The following VEZF1 variants were observed in gnomAD, a reference collection of about 807,000 sequenced individuals.
VEZF1 encodes the protein putative transcription factor DB1.
A neutral mutation model predicts 44.1 loss-of-function variants in VEZF1; 5 were observed. The observed-to-expected ratio is 0.11, with a 90% CI of 0.06 to 0.24. The LOEUF is 0.24. Among genes scored for constraint, VEZF1 ranks in the 10% least tolerant of loss-of-function variants. VEZF1 has a pLI of 1.00. For synonymous variants in VEZF1, 236 were observed against 233.1 expected (o/e 1.01, Z -0.11); for missense variants, 358 against 641.8 (o/e 0.56, Z 4.78).
At chr17:57,978,582 C>T (rs2075215066) in intron 5 of VEZF1, among the ~76,000 whole-genome samples, 1 of 152,024 alleles carries the variant, frequency 6.6e-6, no homozygotes, top group Non-Finnish European at 1.5e-5. Context: ...ACAGTAAAGT[C>T]CTCAGCAGCA....
intron 5 of VEZF1, among the ~76,000 whole-genome samples, chr17:57,975,429 T>A: frequency 6.6e-6 from 1 of 152,390 alleles, no homozygotes; most frequent in East Asian, 1.9e-4. Context: ...TCAATAAGTA[T>A]GTTAAAGCCT....
At chr17:57,979,121 C>A (rs747608208) in intron 5 of VEZF1, 31 bp downstream of exon 5, 2 of 1,604,960 alleles carry the variant, frequency 1.2e-6, no homozygotes, top group South Asian at 1.1e-5. Flanking sequence ...CTTCTCTAGC[C>A]ATATTTTCAA....
In VEZF1 at chr17:57,982,867, TACACATCTCGGAAGGCCTTCCC is replaced by T. The variant is rs2075262643; in HGVS notation, c.538_559del (p.Gly180ThrfsTer31). On this transcript the variant is annotated frameshift_variant, in exon 2 of 6. Transcript: ENST00000581208. LOFTEE classifies it high-confidence loss of function. ...GGAGAGCTTGTGTCGATTGAGATGGTACACATCTCGGAAGGCCTTCCCACACATCTCACAAGCATGGTTCTTC... is the reference window on the plus strand; with the variant it reads ...GGAGAGCTTGTGTCGATTGAGATGGTACACATCTCACAAGCATGGTTCTTC... The T allele has an allele frequency of 6.2e-7, 1 of 1,614,050 alleles. No homozygotes were observed. The highest frequency in any genetic ancestry group is 1.3e-5 in the African/African-American group (1 of 74,932).
At position 57,974,300 on chromosome 17, in the gene VEZF1, C is replaced by T. The variant is rs547716970; in HGVS notation, c.*173G>A. The T allele has an allele frequency of 6.7e-6, 5 of 742,988 alleles. No individual in the cohort carries two copies. In the Admixed American group the frequency reaches 1.5e-4, roughly 22 times the overall value. The allele number at this position is 742,988 out of a possible 1,614,324, so 46.0% of individuals were successfully genotyped here. On this transcript the variant is annotated 3_prime_UTR_variant, in exon 6 of 6. Coordinates refer to ENST00000581208, the MANE Select transcript of VEZF1 (RefSeq NM_007146.3). The stretch of plus-strand genomic sequence containing the variant: ...AAGTGGTCCAGTGATAAGTTACATA[C>T]ACACCCTACTTTGAATAATCCCAGC...
intron 1 of VEZF1, chr17:57,985,441 G>C: frequency 1.6e-6 from 2 of 1,222,174 alleles, no homozygotes; most frequent in Admixed American, 4.3e-5. Flanking sequence ...TTCTAAGGGG[G>C]AACTGGGTTT....
At position 57,973,143 on chromosome 17, in the gene VEZF1, C is replaced by T. The variant is rs1252182929; in HGVS notation, c.*1330G>A. ...CGTGGCATGATGGTGTAAAGAGTATCTGTTTCCCTAGCTTTTGGTTTCTAC... is the reference window on the plus strand; with the variant it reads ...CGTGGCATGATGGTGTAAAGAGTATTTGTTTCCCTAGCTTTTGGTTTCTAC... On this transcript the variant is annotated 3_prime_UTR_variant, in exon 6 of 6. Coordinates refer to ENST00000581208, the MANE Select transcript of VEZF1 (RefSeq NM_007146.3). The T allele has an allele frequency of 6.6e-6, 1 of 152,094 alleles. No homozygotes were observed. The highest frequency in any genetic ancestry group is 1.5e-5 in the Non-Finnish European group (1 of 68,036). The allele number at this position is 152,094 out of a possible 1,614,324, so 9.4% of individuals were successfully genotyped here.
In VEZF1 at chr17:57,974,316, T is replaced by A; in HGVS notation, c.*157A>T. 1 of 880,110 alleles carries A rather than the reference T, an allele frequency of 1.1e-6. No individual in the cohort carries two copies. Among genetic ancestry groups the A allele is most frequent in the East Asian group, 2.7e-5 (1 of 37,552 alleles). 54.5% of individuals were successfully genotyped at this position (880,110 alleles called of 1,614,324 possible). A position where few individuals can be genotyped will look rare whatever the true frequency, so the allele number is the denominator to read the frequency against. On this transcript the variant is annotated 3_prime_UTR_variant, in exon 6 of 6. Coordinates refer to ENST00000581208, the MANE Select transcript of VEZF1 (RefSeq NM_007146.3). ...AGTTACATACACACCCTACTTTGAATAATCCCAGCCAAATTGGAGAAAAAT... is the reference window on the plus strand; with the variant it reads ...AGTTACATACACACCCTACTTTGAAAAATCCCAGCCAAATTGGAGAAAAAT...
intron 5 of VEZF1, 65 bp from the exon 6 acceptor site, chr17:57,974,965 G>A: frequency 6.7e-7 from 1 of 1,501,966 alleles, no homozygotes; most frequent in Non-Finnish European, 9.0e-7. Flanking sequence ...CAAAGTTTCT[G>A]AATCAATTTC....
In VEZF1 at chr17:57,984,902, G is replaced by A. The variant is rs555137897; in HGVS notation, c.34-1509C>T. 4.6e-5 allele frequency among the ~76,000 whole-genome samples: 7 copies of A among 152,230 alleles called. 1 individual carries two copies. The South Asian group carries it at 1.5e-3, about 32-fold the overall frequency. The stretch of plus-strand genomic sequence containing the variant: ...TCTCAGAAATTATGTGGTTACTTAT[G>A]AGTCTCTTTCTGGACTTAACTGCTC... On this transcript the variant is annotated intron_variant, in intron 1 of 5. Coordinates refer to ENST00000581208, the MANE Select transcript of VEZF1 (RefSeq NM_007146.3).
Position 57,974,490 on chromosome 17 carries a change from T to C in VEZF1, c.1549A>G (p.Thr517Ala), listed in dbSNP as rs757089498. The change falls in exon 6 of 6, where the codon ACA (threonine) becomes GCA (alanine). Residue 517 changes from threonine to alanine, a missense_variant. Coordinates refer to ENST00000581208, the MANE Select transcript of VEZF1 (RefSeq NM_007146.3). ...AATACTGTTTACCAAGGCGGTGATG[T>C]AGGCAAAGCTTGGGGCAAGAAAGGC... ...SMPFLPQALP[T>A]SPPW is the part of the protein sequence containing the mutation. The C allele has an allele frequency of 6.2e-7, 1 of 1,613,262 alleles. No homozygotes were observed. Among genetic ancestry groups the C allele is most frequent in the Non-Finnish European group, 8.5e-7 (1 of 1,179,228 alleles).
At chr17:57,977,828 G>T (rs1171706347) in intron 5 of VEZF1, among the ~76,000 whole-genome samples, 3 of 141,090 alleles carry the variant, frequency 2.1e-5, no homozygotes, top group East Asian at 4.1e-4. Context: ...TGGGCAACAA[G>T]AGCAAAACTC....
chr17:57,980,807 T>G, intron 3 of VEZF1, 21 bp from the exon 4 acceptor site: 1 of 1,613,118 alleles, frequency 6.2e-7, no homozygotes, highest in Non-Finnish European at 8.5e-7. Flanking sequence ...GAGGAAAACT[T>G]TTTTTAAATA....
intron 5 of VEZF1, among the ~76,000 whole-genome samples, chr17:57,977,350 C>T (rs1351355986): frequency 1.3e-5 from 2 of 152,066 alleles, no homozygotes; most frequent in Non-Finnish European, 2.9e-5. Context: ...TGGTCTCAAA[C>T]TCCTGGCCTC....
Position 57,980,799 on chromosome 17 carries a change from G to C in VEZF1, c.793-13C>G, listed in dbSNP as rs749914810. ...CAGCAGTGCACGTCTGCATGAGGGAGGAAAACTTTTTTTAAATATAGACTA... is the reference window on the plus strand; with the variant it reads ...CAGCAGTGCACGTCTGCATGAGGGACGAAAACTTTTTTTAAATATAGACTA... On this transcript the variant is annotated splice_polypyrimidine_tract_variant and intron_variant, in intron 3 of 5. Coordinates refer to ENST00000581208, the MANE Select transcript of VEZF1 (RefSeq NM_007146.3). 2 of 1,613,864 alleles carry C rather than the reference G, an allele frequency of 1.2e-6. No homozygotes were observed. The highest frequency in any genetic ancestry group is 4.5e-5 in the East Asian group (2 of 44,878).
chr17:57,978,536 G>C (rs1257210578), intron 5 of VEZF1, among the ~76,000 whole-genome samples: 2 of 152,158 alleles, frequency 1.3e-5, no homozygotes, highest in Non-Finnish European at 2.9e-5. Flanking sequence ...ATATACACGA[G>C]AGAAAAGCAA....
rs1177703156 is a variant in VEZF1 at position 57,988,157 on chromosome 17, G to A, written c.-46C>T. The A allele has an allele frequency of 6.4e-6, 4 of 621,062 alleles. No homozygotes were observed. The highest frequency in any genetic ancestry group is 6.5e-6 in the Non-Finnish European group (3 of 460,646). 38.5% of individuals were successfully genotyped at this position (621,062 alleles called of 1,614,324 possible). A position where few individuals can be genotyped will look rare whatever the true frequency, so the allele number is the denominator to read the frequency against. On this transcript the variant is annotated 5_prime_UTR_variant, in exon 1 of 6. Coordinates refer to ENST00000581208, the MANE Select transcript of VEZF1 (RefSeq NM_007146.3). Reference sequence around the variant, plus strand: ...CTCCTCCCCACTCCCCCCGCTCGGGGAGCCTCCTCAGCCGGAGGAGGCGAC... The same window carrying A: ...CTCCTCCCCACTCCCCCCGCTCGGGAAGCCTCCTCAGCCGGAGGAGGCGAC...
At position 57,973,972 on chromosome 17, in the gene VEZF1, G is replaced by A. The variant is rs1376770113; in HGVS notation, c.*501C>T. 1 of 158,982 alleles carries A rather than the reference G, an allele frequency of 6.3e-6. No individual in the cohort carries two copies. Among genetic ancestry groups the A allele is most frequent in the Non-Finnish European group, 1.4e-5 (1 of 71,390 alleles). 9.8% of individuals were successfully genotyped at this position (158,982 alleles called of 1,614,324 possible). A position where few individuals can be genotyped will look rare whatever the true frequency, so the allele number is the denominator to read the frequency against. On this transcript the variant is annotated 3_prime_UTR_variant, in exon 6 of 6. Transcript: ENST00000581208. The stretch of plus-strand genomic sequence containing the variant: ...AGGTAAAATGCATATTCTCTGAAAT[G>A]CATTTTATTATGACAATGCATGTAT...
At chr17:57,981,235 T>C (rs1205115693) in intron 3 of VEZF1, among the ~76,000 whole-genome samples, 1 of 152,248 alleles carries the variant, frequency 6.6e-6, no homozygotes, top group Non-Finnish European at 1.5e-5. Flanking sequence ...AGATCTTTCT[T>C]AGCATTCAAA....
chr17:57,987,883 G>A (rs1437870092), intron 1 of VEZF1, among the ~76,000 whole-genome samples, 196 bp downstream of exon 1: 2 of 151,834 alleles, frequency 1.3e-5, no homozygotes, highest in African/African-American at 2.4e-5. Flanking sequence ...TATCTCCCCC[G>A]CACCCCGTGA....
Sources: gnomAD v4.1 joint callset for allele counts (sites outside exome capture counted in the v4.1 genomes callset) on GRCh38, gnomAD v4.1.1 for gene constraint, MANE v1.5 for transcripts, NCBI Gene and HGNC (gene_info 2026-07-23, HGNC 2026-07-21) for gene names.